CDK6: variants seen among roughly 807,000 people sequenced by gnomAD.
CDK6 encodes cyclin-dependent kinase 6.
In CDK6, 6 loss-of-function variants were observed where a neutral mutation model predicts 37.1. That is an observed-to-expected ratio of 0.16 (90% CI 0.09 to 0.32). The LOEUF (loss-of-function observed/expected upper bound fraction) is 0.32. CDK6 is among the 10% of genes least tolerant of loss of function. The pLI is 1.00. For missense variants in CDK6, 224 were observed against 418.9 expected (o/e 0.53, Z 4.06); for synonymous variants, 160 against 161.3 (o/e 0.99, Z 0.06).
intron 4 of CDK6, among the ~76,000 whole-genome samples, chr7:92,684,913 T>C (rs1306109055): frequency 1.3e-5 from 2 of 152,274 alleles, no homozygotes; most frequent in East Asian, 3.9e-4. Context: ...CACAGTGCAA[T>C]TGTATGGACT....
intron 5 of CDK6, among the ~76,000 whole-genome samples, chr7:92,670,876 A>G (rs1223077127): frequency 1.3e-5 from 2 of 152,176 alleles, no homozygotes; most frequent in Non-Finnish European, 1.5e-5. Context: ...TAATTTCTGT[A>G]TCCTTGGTCT....
intron 5 of CDK6, among the ~76,000 whole-genome samples, chr7:92,630,547 G>A (rs910135443): frequency 7.9e-5 from 12 of 152,134 alleles, no homozygotes; most frequent in Admixed American, 7.9e-4. Flanking sequence ...AACTTCGGAA[G>A]CTATAATTCA....
chr7:92,768,361 T>C (rs1269789442), intron 3 of CDK6, among the ~76,000 whole-genome samples: 1 of 152,250 alleles, frequency 6.6e-6, no homozygotes, highest in Admixed American at 6.5e-5. Flanking sequence ...CATCTTACAG[T>C]AAAAGATGGC....
At position 92,664,534 on chromosome 7, in the gene CDK6, T is replaced by C. The variant is rs138025508; in HGVS notation, c.647+6892A>G. Among the ~76,000 whole-genome samples, 227 of 152,360 alleles carry C rather than the reference T, an allele frequency of 1.5e-3. 5 individuals are homozygous for C. In the East Asian group the frequency reaches 0.038, roughly 25 times the overall value. On this transcript the variant is annotated intron_variant, in intron 5 of 7. Transcript: ENST00000424848. The stretch of plus-strand genomic sequence containing the variant: ...ACAGTTTCACTGTCAGTTTCTCAGC[T>C]ACTGGTGTTTAATTCATAGAAATCA...
chr7:92,606,936 C>G lies in CDK6; in HGVS notation c.*8204G>C. On this transcript the variant is annotated 3_prime_UTR_variant, in exon 8 of 8. Transcript: ENST00000424848. The stretch of plus-strand genomic sequence containing the variant: ...AACCTTCAGATAAAAACCTCAAATA[C>G]CAAAAAATGCAACAAGCTTTTGAGG... 1 of 232,994 alleles carries G rather than the reference C, an allele frequency of 4.3e-6. No homozygotes were observed. Among genetic ancestry groups the G allele is most frequent in the East Asian group, 6.1e-5 (1 of 16,514 alleles). The allele number at this position is 232,994 out of a possible 1,614,324, so 14.4% of individuals were successfully genotyped here.
intron 3 of CDK6, among the ~76,000 whole-genome samples, chr7:92,726,383 A>C (rs912241326): frequency 6.6e-6 from 1 of 152,188 alleles, no homozygotes; most frequent in African/African-American, 2.4e-5. Context: ...TAATTAGCCC[A>C]AAGTCATACT....
intron 4 of CDK6, among the ~76,000 whole-genome samples, chr7:92,697,800 T>C (rs1192816574): frequency 1.3e-5 from 2 of 152,260 alleles, no homozygotes; most frequent in African/African-American, 4.8e-5. Context: ...ATGACTTCTA[T>C]CAGAGGTGAA....
At chr7:92,676,736 A>G (rs1194767420) in intron 4 of CDK6, among the ~76,000 whole-genome samples, 5 of 152,172 alleles carry the variant, frequency 3.3e-5, no homozygotes, top group Non-Finnish European at 7.3e-5. Context: ...TTTTCTCCCT[A>G]AAGAAAACTA....
intron 4 of CDK6, among the ~76,000 whole-genome samples, chr7:92,688,872 G>C (rs556440913): frequency 1.3e-5 from 2 of 152,236 alleles, no homozygotes; most frequent in Admixed American, 1.3e-4. Context: ...AGGTCACGCA[G>C]TCACATTTCC....
chr7:92,702,369 A>ATTACAGGTGTGTG (rs1797871822), intron 4 of CDK6, among the ~76,000 whole-genome samples: 1 of 150,884 alleles, frequency 6.6e-6, no homozygotes, highest in Non-Finnish European at 1.5e-5. Context: ...AGTAGCTGGG[A>ATTACAGGTGTGTG]TTACAGGTGT....
chr7:92,727,033 C>A (rs982353165), intron 3 of CDK6, among the ~76,000 whole-genome samples: 1 of 152,086 alleles, frequency 6.6e-6, no homozygotes, highest in Non-Finnish European at 1.5e-5. Context: ...AGATCTTTTT[C>A]TAATTTTAGG....
chr7:92,803,729 A>G (rs1249212741), intron 2 of CDK6, among the ~76,000 whole-genome samples: 2 of 152,182 alleles, frequency 1.3e-5, no homozygotes, highest in Non-Finnish European at 2.9e-5. Context: ...CATAACCCAA[A>G]CGAGAGAGAG....
chr7:92,820,122 A>G (rs758765524), intron 2 of CDK6, among the ~76,000 whole-genome samples: 6 of 152,140 alleles, frequency 3.9e-5, no homozygotes, highest in Non-Finnish European at 7.4e-5. Flanking sequence ...AAAGGCAAAC[A>G]TGGCAAGAAA....
intron 5 of CDK6, among the ~76,000 whole-genome samples, chr7:92,623,504 C>A (rs1306937554): frequency 6.6e-6 from 1 of 152,174 alleles, no homozygotes; most frequent in African/African-American, 2.4e-5. Context: ...TATCAGAGTA[C>A]TTCCTCATGG....
intron 4 of CDK6, among the ~76,000 whole-genome samples, chr7:92,701,217 G>C (rs1312087431): frequency 2.0e-5 from 3 of 152,190 alleles, no homozygotes; most frequent in Admixed American, 1.3e-4. Context: ...GAGATTAGAA[G>C]AGCACTGACT....
At chr7:92,630,275 T>C (rs900267013) in intron 5 of CDK6, among the ~76,000 whole-genome samples, 1 of 144,818 alleles carries the variant, frequency 6.9e-6, no homozygotes, top group Non-Finnish European at 1.5e-5. Context: ...TCTTGCCAAA[T>C]TACATTATTT....
intron 3 of CDK6, among the ~76,000 whole-genome samples, chr7:92,763,903 G>A (rs898123685): frequency 4.6e-5 from 7 of 152,168 alleles, no homozygotes; most frequent in Admixed American, 4.6e-4. Context: ...TGACAATGAG[G>A]AATCAGTTAG....
intron 2 of CDK6, among the ~76,000 whole-genome samples, chr7:92,822,168 T>C (rs1477722268): frequency 6.6e-6 from 1 of 152,056 alleles, no homozygotes; most frequent in Non-Finnish European, 1.5e-5. Context: ...AACATGTAAA[T>C]TCAATCTGCA....
chr7:92,825,640 T>G (rs1329799013), intron 2 of CDK6, among the ~76,000 whole-genome samples: 1 of 152,172 alleles, frequency 6.6e-6, no homozygotes, highest in Non-Finnish European at 1.5e-5. Context: ...TTCAGAATCA[T>G]CATCTTTTAT....
Sources: allele counts gnomAD v4.1 joint callset (sites outside exome capture counted in the v4.1 genomes callset), GRCh38; gene constraint gnomAD v4.1.1; transcripts MANE v1.5; gene names NCBI Gene and HGNC (gene_info 2026-07-23, HGNC 2026-07-21).